MDGA2: variants seen among roughly 807,000 people sequenced by gnomAD.
The protein encoded by MDGA2 is MAM domain containing glycosylphosphatidylinositol anchor 2, also known as MAM domain-containing glycosylphosphatidylinositol anchor protein 2.
MDGA2 carries 40 observed loss-of-function variants against 117.8 expected under a neutral mutation model. The observed-to-expected ratio is 0.34, with a 90% confidence interval of 0.26 to 0.44. The LOEUF is 0.44. Ranked by LOEUF, MDGA2 falls within the 20% of genes least tolerant of loss-of-function variation. The pLI is 1.00. For synonymous variants in MDGA2, 452 were observed against 439.0 expected, an observed-to-expected ratio of 1.03 and a Z score of -0.37; for missense variants, 1,123 against 1,250.6, an observed-to-expected ratio of 0.90 and a Z score of 1.54.
At chr14:47,428,965 T>C (rs1478086292) in intron 1 of MDGA2, among the ~76,000 whole-genome samples, 1 of 151,958 alleles carries the variant, frequency 6.6e-6, no homozygotes, top group African/African-American at 2.4e-5. Context: ...CCACAAGTTA[T>C]TATATAAAAA....
At chr14:47,385,456 T>C (rs927466537) in intron 1 of MDGA2, among the ~76,000 whole-genome samples, 2 of 152,070 alleles carry the variant, frequency 1.3e-5, no homozygotes, top group African/African-American at 4.8e-5. Flanking sequence ...AAAATAAAAA[T>C]TGAAACACAA....
At chr14:47,363,910 CAT>C (rs1891177984) in intron 1 of MDGA2, among the ~76,000 whole-genome samples, 1 of 152,148 alleles carries the variant, frequency 6.6e-6, no homozygotes, top group African/African-American at 2.4e-5. Flanking sequence ...GCATGTCTAA[CAT>C]GTATGCTTTT....
At chr14:47,122,992 A>T (rs1163792591) in intron 5 of MDGA2, among the ~76,000 whole-genome samples, 1 of 152,126 alleles carries the variant, frequency 6.6e-6, no homozygotes, top group African/African-American at 2.4e-5. Flanking sequence ...CTAACAGCAT[A>T]TTAAAAATAA....
intron 1 of MDGA2, among the ~76,000 whole-genome samples, chr14:47,645,122 T>C (rs1400623633): frequency 6.6e-6 from 1 of 152,166 alleles, no homozygotes; most frequent in Non-Finnish European, 1.5e-5. Flanking sequence ...GAACTTAAGA[T>C]AACATATTTG....
At position 46,995,894 on chromosome 14, in the gene MDGA2, T is replaced by C. The variant is rs536752909; in HGVS notation, c.1820-38251A>G. Among the ~76,000 whole-genome samples the C allele has an allele frequency of 2.4e-4, 36 of 152,042 alleles. 1 individual carries two copies. The South Asian group carries it at 7.0e-3, about 30-fold the overall frequency. ...TTCTTAAATTCTGTATATTATATAATATATTTTGTGTAAAGGTGACATGTT... is the reference window on the plus strand; with the variant it reads ...TTCTTAAATTCTGTATATTATATAACATATTTTGTGTAAAGGTGACATGTT... On this transcript the variant is annotated intron_variant, in intron 8 of 16. Transcript: ENST00000399232.
chr14:46,902,032 G>T (rs1483702708), intron 10 of MDGA2, among the ~76,000 whole-genome samples: 1 of 152,116 alleles, frequency 6.6e-6, no homozygotes, highest in Non-Finnish European at 1.5e-5. Flanking sequence ...CCTCTTTCTT[G>T]TTCCCTCCCT....
chr14:47,028,052 A>G lies in MDGA2; in HGVS notation c.1819+6959T>C, dbSNP rs533646140. ...AAGATCTTAACTACAGAGAAGAGGT[A>G]GATGATGGAATATGTAAAATAGAAA... On this transcript the variant is annotated intron_variant, in intron 8 of 16. Coordinates refer to ENST00000399232, the MANE Select transcript of MDGA2 (RefSeq NM_001113498.3). Among the ~76,000 whole-genome samples the G allele has an allele frequency of 3.3e-5, 5 of 152,270 alleles. No homozygotes were observed. In the South Asian group the frequency reaches 1.0e-3, roughly 32 times the overall value.
At chr14:47,202,412 T>C (rs1480939151) in intron 3 of MDGA2, among the ~76,000 whole-genome samples, 1 of 152,192 alleles carries the variant, frequency 6.6e-6, no homozygotes, top group Non-Finnish European at 1.5e-5. Context: ...AAGCTTTCCA[T>C]TAACTTCCTG....
chr14:47,583,153 C>A (rs982450853), intron 1 of MDGA2, among the ~76,000 whole-genome samples: 13 of 151,872 alleles, frequency 8.6e-5, no homozygotes, highest in Admixed American at 2.6e-4. Context: ...TCTATTCTCA[C>A]AGAGCTTGAG....
intron 8 of MDGA2, among the ~76,000 whole-genome samples, chr14:47,031,698 T>C (rs902853354): frequency 1.3e-5 from 2 of 152,200 alleles, no homozygotes; most frequent in Non-Finnish European, 2.9e-5. Flanking sequence ...GTGGGATTTC[T>C]CATGAATGGG....
chr14:47,456,514 G>C (rs1594866283), intron 1 of MDGA2, among the ~76,000 whole-genome samples: 2 of 151,338 alleles, frequency 1.3e-5, no homozygotes, highest in East Asian at 3.9e-4. Flanking sequence ...TGCTGGTCAG[G>C]CTGGTATCGA....
intron 6 of MDGA2, among the ~76,000 whole-genome samples, chr14:47,096,283 C>T (rs1396387220): frequency 6.6e-6 from 1 of 151,956 alleles, no homozygotes; most frequent in African/African-American, 2.4e-5. Flanking sequence ...ATAACCTCAG[C>T]CAGAAGTGGC....
At chr14:47,645,190 G>GAGTGTTTAGAGAA (rs1897502870) in intron 1 of MDGA2, among the ~76,000 whole-genome samples, 2 of 151,852 alleles carry the variant, frequency 1.3e-5, no homozygotes, top group Non-Finnish European at 2.9e-5. Flanking sequence ...AAGAAACTAA[G>GAGTGTTTAGAGAA]ACACTGTTTC....
intron 1 of MDGA2, among the ~76,000 whole-genome samples, chr14:47,368,883 G>A (rs1891286704): frequency 6.6e-6 from 1 of 152,044 alleles, no homozygotes; most frequent in African/African-American, 2.4e-5. Flanking sequence ...TAAAAAATCA[G>A]CAAGTGACTT....
chr14:47,500,996 T>C (rs577454379), intron 1 of MDGA2, among the ~76,000 whole-genome samples: 2 of 152,292 alleles, frequency 1.3e-5, no homozygotes, highest in South Asian at 2.1e-4. Flanking sequence ...TACATATTAA[T>C]GTATATTTTA....
chr14:47,647,131 A>G (rs1897549329), intron 1 of MDGA2, among the ~76,000 whole-genome samples: 1 of 152,184 alleles, frequency 6.6e-6, no homozygotes, highest in Admixed American at 6.5e-5. Context: ...GTTTGTATCC[A>G]TTTGCCAAAT....
At chr14:47,526,604 T>C (rs1047808601) in intron 1 of MDGA2, among the ~76,000 whole-genome samples, 2 of 152,072 alleles carry the variant, frequency 1.3e-5, no homozygotes, top group African/African-American at 4.8e-5. Context: ...GGTTTCTGCT[T>C]GATTTCAAGG....
intron 4 of MDGA2, among the ~76,000 whole-genome samples, chr14:47,140,378 A>T (rs1566647072): frequency 6.6e-6 from 1 of 152,152 alleles, no homozygotes; most frequent in Non-Finnish European, 1.5e-5. Context: ...CAGCCAAAGC[A>T]ATTTTGAGCA....
intron 2 of MDGA2, among the ~76,000 whole-genome samples, chr14:47,249,377 A>T (rs35914299): frequency 0.33 from 49,835 of 151,928 alleles, 9,637 homozygotes; most frequent in African/African-American, 0.54. Context: ...GCTGAAATGC[A>T]GTGGCACAAT....
Sources: allele counts gnomAD v4.1 joint callset (sites outside exome capture counted in the v4.1 genomes callset), GRCh38; gene constraint gnomAD v4.1.1; transcripts MANE v1.5; gene names NCBI Gene and HGNC (gene_info 2026-07-23, HGNC 2026-07-21).